The following ASCC2 variants were observed in gnomAD, a reference collection of about 807,000 sequenced individuals.
ASCC2 encodes ASC-1 complex subunit P100.
ASCC2 carries 42 observed loss-of-function variants against 93.5 expected under a neutral mutation model. The ratio of observed to expected loss-of-function variants is 0.45; its 90% CI spans 0.35 to 0.58. ASCC2 has a LOEUF of 0.58. Among genes scored for constraint, ASCC2 ranks in the 20% least tolerant of loss-of-function variants. The pLI, the probability that ASCC2 is intolerant of heterozygous loss-of-function variation, is 0.00. For missense variants in ASCC2, 859 were observed against 977.6 expected, an observed-to-expected ratio of 0.88 and a Z score of 1.62; for synonymous variants, 364 against 384.2, an observed-to-expected ratio of 0.95 and a Z score of 0.62.
intron 12 of ASCC2, 130 bp from the exon 13 acceptor site, chr22:29,804,960 G>A: frequency 2.1e-6 from 2 of 940,728 alleles, no homozygotes. Context: ...AAGTGGTATA[G>A]CCCACGGGCA....
Position 29,789,050 on chromosome 22 carries a change from G to A in ASCC2, c.2237C>T (p.Ala746Val). The change falls in exon 20 of 20, where the codon GCC becomes GTC. Residue 746 changes from alanine to valine, a missense_variant. By Grantham distance (64) the Ala-to-Val change is moderately conservative. Transcript: ENST00000307790. The stretch of plus-strand genomic sequence containing the variant: ...CATGCCTTTGCTCCTCTTGCGGTCG[G>A]CCATGGTTCTCCGGTTGTGGTTGGC... Reference protein sequence around the residue: ...TRANHNRRTMADRKRSKGMIP... With the variant: ...TRANHNRRTMVDRKRSKGMIP... 6.2e-7 allele frequency: 1 copy of A among 1,614,180 alleles called. No homozygotes were observed. The highest frequency in any genetic ancestry group is 8.5e-7 in the Non-Finnish European group (1 of 1,180,038).
chr22:29,805,141 C>G (rs1601923838), intron 12 of ASCC2, among the ~76,000 whole-genome samples: 1 of 152,218 alleles, frequency 6.6e-6, no homozygotes, highest in Admixed American at 6.5e-5. Context: ...TACTGACTGC[C>G]AGGAGGAGGG....
intron 1 of ASCC2, chr22:29,834,390 TA>T (rs1257035780): frequency 1.9e-5 from 8 of 425,090 alleles, no homozygotes; most frequent in South Asian, 1.2e-4. Context: ...AACAGCCTGG[TA>T]CCCAAGGAAC....
chr22:29,804,161 T>C (rs1050511709), intron 13 of ASCC2, among the ~76,000 whole-genome samples: 4 of 152,128 alleles, frequency 2.6e-5, no homozygotes, highest in African/African-American at 9.7e-5. Flanking sequence ...CAGCCACAGA[T>C]TCGGCCAGTC....
chr22:29,822,145 C>T (rs1913942767), intron 5 of ASCC2, 190 bp downstream of exon 5: 3 of 696,986 alleles, frequency 4.3e-6, no homozygotes, highest in South Asian at 1.7e-5. Context: ...TTTATTTCCA[C>T]CTCCCTAGGT....
chr22:29,834,962 C>T (rs1418225509), intron 1 of ASCC2, among the ~76,000 whole-genome samples: 1 of 152,128 alleles, frequency 6.6e-6, no homozygotes, highest in Non-Finnish European at 1.5e-5. Context: ...TTTCCAGGCT[C>T]GCCCGCTGAA....
chr22:29,798,703 C>T (rs1044099363), intron 15 of ASCC2, among the ~76,000 whole-genome samples: 4 of 152,166 alleles, frequency 2.6e-5, no homozygotes, highest in African/African-American at 7.2e-5. Context: ...GTGTCCCTGC[C>T]GAAGTTCCTG....
At chr22:29,791,757 C>T (rs1257699746) in intron 18 of ASCC2, among the ~76,000 whole-genome samples, 1 of 152,214 alleles carries the variant, frequency 6.6e-6, no homozygotes, top group Non-Finnish European at 1.5e-5. Flanking sequence ...TCTGGGCTGA[C>T]CCCTTGCCTG....
At chr22:29,808,334 AC>A in intron 8 of ASCC2, 149 bp from the exon 9 acceptor site, 1 of 760,820 alleles carries the variant, frequency 1.3e-6, no homozygotes, top group African/African-American at 1.7e-5. Context: ...CCCTGAGCTC[AC>A]CCCAGACTGA....
chr22:29,834,270 AG>A, intron 1 of ASCC2: 1 of 265,848 alleles, frequency 3.8e-6, no homozygotes, highest in South Asian at 3.7e-5. Context: ...GTGGAGTGAA[AG>A]TCAAAGCACT....
At position 29,793,688 on chromosome 22, in the gene ASCC2, C is replaced by T; in HGVS notation, c.1689-12G>A. ...CCTCCTTCCTGGTGCTGAGAAGGAA[C>T]AGCAGAAAGAGAGGAAGGAAAACCA... On this transcript the variant is annotated splice_polypyrimidine_tract_variant and intron_variant, in intron 15 of 19. Coordinates refer to ENST00000307790, the MANE Select transcript of ASCC2 (RefSeq NM_032204.5). 5.8e-6 allele frequency: 9 copies of T among 1,550,170 alleles called. No individual in the cohort carries two copies. The highest frequency in any genetic ancestry group is 7.8e-6 in the Non-Finnish European group (9 of 1,149,114).
At chr22:29,796,352 G>C (rs2058438179) in intron 15 of ASCC2, among the ~76,000 whole-genome samples, 1 of 152,152 alleles carries the variant, frequency 6.6e-6, no homozygotes, top group South Asian at 2.1e-4. Context: ...GAGTTGGGGA[G>C]AGATTCAGAA....
rs5844871 is a variant in ASCC2 at position 29,827,856 on chromosome 22, GACACAC to G, written c.82-2082_82-2077del. On this transcript the variant is annotated intron_variant, in intron 2 of 19. Coordinates refer to ENST00000307790, the MANE Select transcript of ASCC2 (RefSeq NM_032204.5). ...ATACACCCAGACTACTCATTCTCCT[GACACAC>G]ACACACACACACACACACCAGGCTA... is the stretch of plus-strand genomic sequence containing the variant. Among the ~76,000 whole-genome samples, 2 of 43,148 alleles carry G rather than the reference GACACAC, an allele frequency of 4.6e-5. 1 individual carries two copies. Among genetic ancestry groups the G allele is most frequent in the Admixed American group, 5.5e-4 (2 of 3,608 alleles). 28.3% of individuals were successfully genotyped at this position (43,148 alleles called of 152,430 possible). A position where few individuals can be genotyped will look rare whatever the true frequency, so the allele number is the denominator to read the frequency against.
At position 29,821,633 on chromosome 22, in the gene ASCC2, G is replaced by C. The variant is rs539833144; in HGVS notation, c.541+702C>G. ...AAAGGTTAGCTTAGTTATCACTGCT[G>C]TTCTTACATTCGTCGCCAAAGGAAA... On this transcript the variant is annotated intron_variant, in intron 5 of 19. Transcript: ENST00000307790. Among the ~76,000 whole-genome samples the C allele has an allele frequency of 7.9e-5, 12 of 152,324 alleles. No homozygotes were observed. The South Asian group carries it at 2.1e-3, about 26-fold the overall frequency.
Position 29,792,955 on chromosome 22 carries a change from G to A in ASCC2, c.1919+405C>T, listed in dbSNP as rs569295033. Among the ~76,000 whole-genome samples, 42 of 152,192 alleles carry A rather than the reference G, an allele frequency of 2.8e-4. 1 individual carries two copies. In the South Asian group the frequency reaches 4.6e-3, roughly 17 times the overall value. On this transcript the variant is annotated intron_variant, in intron 17 of 19. Coordinates refer to ENST00000307790, the MANE Select transcript of ASCC2 (RefSeq NM_032204.5). ...GAGCCCAGGAGGTGAGACTAGTCTG[G>A]GCAACATAGTGAGAACCCCACCTCC...
At position 29,825,464 on chromosome 22, in the gene ASCC2, G is replaced by T; in HGVS notation, c.240+158C>A. 8.4e-7 allele frequency: 1 copy of T among 1,190,080 alleles called. No individual in the cohort carries two copies. Among genetic ancestry groups the T allele is most frequent in the Non-Finnish European group, 1.2e-6 (1 of 839,918 alleles). The allele number at this position is 1,190,080 out of a possible 1,614,324, so 73.7% of individuals were successfully genotyped here. On this transcript the variant is annotated intron_variant, in intron 3 of 19. Transcript: ENST00000307790. This position sits in a 1 kb window ranked among gnomAD's most constrained non-coding sequence, Gnocchi z 4.9. ...AAAGGTGTGTAAACATTAAGATTGT[G>T]ATACAAGACAGAGCAATCCGAACCA...
At chr22:29,790,618 CT>C in intron 18 of ASCC2, 70 bp from the exon 19 acceptor site, 1 of 1,493,524 alleles carries the variant, frequency 6.7e-7, no homozygotes, top group Non-Finnish European at 9.3e-7. Flanking sequence ...CGATGAGGCC[CT>C]GCTCAAGTGA....
At chr22:29,831,801 A>G (rs1568960553) in intron 2 of ASCC2, among the ~76,000 whole-genome samples, 2 of 152,136 alleles carry the variant, frequency 1.3e-5, no homozygotes, top group Non-Finnish European at 2.9e-5. Flanking sequence ...GGTGCTTCCT[A>G]TCTCAGTTGA....
chr22:29,794,116 C>A (rs567260866), intron 15 of ASCC2, among the ~76,000 whole-genome samples: 1 of 151,666 alleles, frequency 6.6e-6, no homozygotes, highest in Admixed American at 6.6e-5. Flanking sequence ...AACTCCTGAC[C>A]GCAAGTGATC....
Sources: allele counts gnomAD v4.1 joint callset (sites outside exome capture counted in the v4.1 genomes callset), GRCh38; gene constraint gnomAD v4.1.1; non-coding constraint Gnocchi (gnomAD v3.1); transcripts MANE v1.5; gene names NCBI Gene and HGNC (gene_info 2026-07-23, HGNC 2026-07-21).